Variants in LOC128706665 observed in about 807,000 individuals in gnomAD.
At chr20:10,425,880 TA>T in the LOC128706665 span, among the ~76,000 whole-genome samples, 1 of 152,240 alleles carries the variant, frequency 6.6e-6, no homozygotes, top group African/African-American at 2.4e-5. Context: ...AACATATTTC[TA>T]AAAAAAGACT....
At chr20:10,416,087 A>G in the LOC128706665 span, among the ~76,000 whole-genome samples, 1 of 152,192 alleles carries the variant, frequency 6.6e-6, no homozygotes, top group Non-Finnish European at 1.5e-5. Flanking sequence ...GTGCTCCATA[A>G]TTCCAAGAGT....
the LOC128706665 span, among the ~76,000 whole-genome samples, chr20:10,414,389 C>T: frequency 6.6e-6 from 1 of 151,976 alleles, no homozygotes; most frequent in Non-Finnish European, 1.5e-5. Flanking sequence ...CCTCACCCTC[C>T]TCAGTGGCAG....
chr20:10,413,937 AAAT>A, the LOC128706665 span: 3 of 405,820 alleles, frequency 7.4e-6, no homozygotes, highest in Non-Finnish European at 1.3e-5. Flanking sequence ...TTTACCTAAT[AAAT>A]AATAAAAAAA....
the LOC128706665 span, among the ~76,000 whole-genome samples, chr20:10,426,463 TG>T: frequency 6.6e-6 from 1 of 152,198 alleles, no homozygotes; most frequent in African/African-American, 2.4e-5. Flanking sequence ...GGGAGCGTAG[TG>T]GTGTGATCTC....
the LOC128706665 span, among the ~76,000 whole-genome samples, chr20:10,433,062 G>C: frequency 6.6e-6 from 1 of 152,192 alleles, no homozygotes; most frequent in African/African-American, 2.4e-5. Context: ...GGAGTGCAGT[G>C]GCGTGATCTC....
the LOC128706665 span, among the ~76,000 whole-genome samples, chr20:10,429,058 T>C: frequency 6.6e-6 from 1 of 152,178 alleles, no homozygotes; most frequent in African/African-American, 2.4e-5. Flanking sequence ...ACAAATTCCC[T>C]AAGGCAACTG....
At chr20:10,428,258 C>G in the LOC128706665 span, among the ~76,000 whole-genome samples, 1 of 152,160 alleles carries the variant, frequency 6.6e-6, no homozygotes, top group Non-Finnish European at 1.5e-5. Context: ...CCATTTGATG[C>G]TGGTGATTGG....
At chr20:10,424,154 A>C in the LOC128706665 span, among the ~76,000 whole-genome samples, 1 of 152,194 alleles carries the variant, frequency 6.6e-6, no homozygotes, top group Non-Finnish European at 1.5e-5. Context: ...CTGTACATAT[A>C]ATAGTCCCTT....
chr20:10,419,338 A>T, the LOC128706665 span, among the ~76,000 whole-genome samples: 1 of 152,164 alleles, frequency 6.6e-6, no homozygotes, highest in Non-Finnish European at 1.5e-5. Context: ...TTTTATAAAT[A>T]CAATATAGTG....
the LOC128706665 span, among the ~76,000 whole-genome samples, chr20:10,427,847 C>G: frequency 6.6e-6 from 1 of 152,176 alleles, no homozygotes; most frequent in Non-Finnish European, 1.5e-5. Flanking sequence ...TCTAAAGTTT[C>G]CATTCTGCAA....
the LOC128706665 span, among the ~76,000 whole-genome samples, chr20:10,424,393 T>A: frequency 1.3e-5 from 2 of 152,138 alleles, no homozygotes; most frequent in East Asian, 3.9e-4. Flanking sequence ...CATCTCTATT[T>A]TAAAAGAAAA....
chr20:10,428,957 T>C, the LOC128706665 span, among the ~76,000 whole-genome samples: 5 of 152,146 alleles, frequency 3.3e-5, no homozygotes, highest in African/African-American at 1.2e-4. Flanking sequence ...AACTTCATTA[T>C]CCCCTCTCAT....
the LOC128706665 span, among the ~76,000 whole-genome samples, chr20:10,430,363 A>G: frequency 6.6e-6 from 1 of 152,210 alleles, no homozygotes; most frequent in Non-Finnish European, 1.5e-5. Context: ...TGTGTGTACA[A>G]TGTGAATAAT....
the LOC128706665 span, among the ~76,000 whole-genome samples, chr20:10,417,120 G>A: frequency 6.6e-6 from 1 of 151,952 alleles, no homozygotes; most frequent in East Asian, 1.9e-4. Flanking sequence ...GTGTGGTGGT[G>A]GGTGCCTGTA....
chr20:10,416,690 GTTCCAGC>G, the LOC128706665 span, among the ~76,000 whole-genome samples: 1 of 152,190 alleles, frequency 6.6e-6, no homozygotes, highest in Non-Finnish European at 1.5e-5. Flanking sequence ...ATGGAAAGTT[GTTCCAGC>G]TAATAAATGG....
the LOC128706665 span, among the ~76,000 whole-genome samples, chr20:10,432,789 C>CAAAAAAAAAA: frequency 4.0e-5 from 3 of 74,588 alleles, no homozygotes; most frequent in Admixed American, 1.9e-4. Flanking sequence ...GACTCTTTGT[C>CAAAAAAAAAA]AAAAAAAAAA....
chr20:10,431,427 A>G, the LOC128706665 span, among the ~76,000 whole-genome samples: 1 of 152,136 alleles, frequency 6.6e-6, no homozygotes, highest in Non-Finnish European at 1.5e-5. Context: ...GGAACTACCA[A>G]GAAGAGTAAG....
chr20:10,414,880 T>C, the LOC128706665 span, among the ~76,000 whole-genome samples: 1 of 152,312 alleles, frequency 6.6e-6, no homozygotes, highest in Admixed American at 6.5e-5. Context: ...TATCAATCAA[T>C]GATTTTCAGT....
the LOC128706665 span, among the ~76,000 whole-genome samples, chr20:10,415,869 A>T: frequency 1.3e-5 from 2 of 152,234 alleles, no homozygotes; most frequent in African/African-American, 2.4e-5. Flanking sequence ...CATTAAAATG[A>T]CAAAGAAATC....
Sources: gnomAD v4.1 joint callset for allele counts (sites outside exome capture counted in the v4.1 genomes callset) on GRCh38, gnomAD v4.1.1 for gene constraint, MANE v1.5 for transcripts.